ADAMTS3: variants seen among roughly 807,000 people sequenced by gnomAD.
ADAMTS3 encodes the protein ADAM metallopeptidase with thrombospondin type 1 motif 3.
In ADAMTS3, 73 loss-of-function variants were observed where a neutral mutation model predicts 129.0. That is an observed-to-expected ratio of 0.57 (90% CI 0.47 to 0.69). ADAMTS3 has a LOEUF of 0.69. Among genes scored for constraint, ADAMTS3 ranks in the 30% least tolerant of loss-of-function variants. The pLI is 0.00. For synonymous variants in ADAMTS3, 477 were observed against 510.8 expected (o/e 0.93, Z 0.89); for missense variants, 1,457 against 1,514.5 (o/e 0.96, Z 0.63).
chr4:72,476,499 C>A (rs1462006714), intron 3 of ADAMTS3, among the ~76,000 whole-genome samples: 1 of 152,014 alleles, frequency 6.6e-6, no homozygotes, highest in African/African-American at 2.4e-5. Context: ...AAAGGAATGT[C>A]CAGGCCCAGA....
intron 8 of ADAMTS3, 85 bp downstream of exon 8, chr4:72,319,773 A>G (rs776660306): frequency 8.1e-5 from 92 of 1,139,538 alleles, no homozygotes; most frequent in Non-Finnish European, 1.1e-4. Flanking sequence ...GCTGGCATGC[A>G]TTCTGCCCAA....
At position 72,373,585 on chromosome 4, in the gene ADAMTS3, T is replaced by G. The variant is rs538414967; in HGVS notation, c.662-33892A>C. The stretch of plus-strand genomic sequence containing the variant: ...AAGTTAAAAATCAGCCAGAACTAAC[T>G]TCCAATGCTTTAAGTCAAAATAGTG... On this transcript the variant is annotated intron_variant, in intron 4 of 21. Transcript: ENST00000286657. Among the ~76,000 whole-genome samples, 4 of 152,204 alleles carry G rather than the reference T, an allele frequency of 2.6e-5. No homozygotes were observed. The South Asian group carries it at 8.3e-4, about 32-fold the overall frequency.
intron 3 of ADAMTS3, among the ~76,000 whole-genome samples, chr4:72,536,198 T>G (rs1415905990): frequency 6.6e-6 from 1 of 152,220 alleles, no homozygotes; most frequent in Non-Finnish European, 1.5e-5. Context: ...AATAACTTTC[T>G]ATATGGTAGA....
intron 21 of ADAMTS3, among the ~76,000 whole-genome samples, chr4:72,287,432 G>C (rs1256331381): frequency 4.0e-5 from 6 of 150,934 alleles, no homozygotes; most frequent in Admixed American, 2.0e-4. Flanking sequence ...GAGAAAGGGA[G>C]AGGGTGAAGG....
intron 4 of ADAMTS3, among the ~76,000 whole-genome samples, chr4:72,357,862 A>G (rs1720621657): frequency 6.6e-6 from 1 of 152,018 alleles, no homozygotes; most frequent in African/African-American, 2.4e-5. Context: ...AATCTATTCT[A>G]TCATATGCCA....
At chr4:72,538,963 G>A (rs1721249074) in intron 3 of ADAMTS3, among the ~76,000 whole-genome samples, 2 of 151,950 alleles carry the variant, frequency 1.3e-5, no homozygotes, top group South Asian at 4.1e-4. Context: ...ATATCCACAT[G>A]CCCAAAGCAT....
chr4:72,492,901 CTGTGA>C (rs1719783631), intron 3 of ADAMTS3, among the ~76,000 whole-genome samples: 2 of 151,876 alleles, frequency 1.3e-5, no homozygotes, highest in South Asian at 4.1e-4. Context: ...TATTTAGATG[CTGTGA>C]TATTTGGTGT....
Position 72,282,967 on chromosome 4 carries a change from G to A in ADAMTS3, c.*169C>T. On this transcript the variant is annotated 3_prime_UTR_variant, in exon 22 of 22. Transcript: ENST00000286657. Reference sequence around the variant, plus strand: ...GTAAATGAGTCAATGCAGAACAAAAGGAGGATGAAAGCAACTAGAAAGTGA... The same window carrying A: ...GTAAATGAGTCAATGCAGAACAAAAAGAGGATGAAAGCAACTAGAAAGTGA... The A allele has an allele frequency of 1.7e-6, 1 of 572,944 alleles. No individual in the cohort carries two copies. Among genetic ancestry groups the A allele is most frequent in the Non-Finnish European group, 3.0e-6 (1 of 328,886 alleles). The allele number at this position is 572,944 out of a possible 1,614,324, so 35.5% of individuals were successfully genotyped here.
At chr4:72,442,906 A>C in intron 3 of ADAMTS3, among the ~76,000 whole-genome samples, 1 of 151,648 alleles carries the variant, frequency 6.6e-6, no homozygotes, top group East Asian at 2.0e-4. Flanking sequence ...ACTTTGACTC[A>C]CCCCCGAAAA....
intron 4 of ADAMTS3, among the ~76,000 whole-genome samples, chr4:72,348,889 C>G (rs1338410343): frequency 2.0e-5 from 3 of 151,838 alleles, no homozygotes; most frequent in Non-Finnish European, 4.4e-5. Context: ...CTGAATGAGC[C>G]TGGAAATGGA....
rs186341154 is a variant in ADAMTS3, at chr4:72,288,156, G to A, written c.3049+595C>T. ...GCTGGGATTACAGGCATGAGCCACCGCACCTGGCCCCATTTTGCTGTTTTA... is the reference window on the plus strand; with the variant it reads ...GCTGGGATTACAGGCATGAGCCACCACACCTGGCCCCATTTTGCTGTTTTA... On this transcript the variant is annotated intron_variant, in intron 21 of 21. Transcript: ENST00000286657. 3.5e-3 allele frequency among the ~76,000 whole-genome samples: 530 copies of A among 152,208 alleles called. 15 individuals are homozygous for A. Among genetic ancestry groups the A allele is most frequent in the Admixed American group, 0.028 (429 of 15,290 alleles).
chr4:72,474,735 T>C (rs188552908), intron 3 of ADAMTS3, among the ~76,000 whole-genome samples: 5 of 152,178 alleles, frequency 3.3e-5, no homozygotes, highest in East Asian at 3.9e-4. Context: ...TAAATCAAAA[T>C]AGAATTCTAG....
chr4:72,539,491 GAAA>G (rs71215438), intron 3 of ADAMTS3, among the ~76,000 whole-genome samples: 4,831 of 86,602 alleles, frequency 0.056, 127 homozygotes, highest in African/African-American at 0.17. Flanking sequence ...GCTACTATCA[GAAA>G]AAAAAAAAAA....
chr4:72,319,513 G>A (rs780038634), intron 8 of ADAMTS3, 38 bp from the exon 9 acceptor site: 11 of 1,569,266 alleles, frequency 7.0e-6, no homozygotes, highest in South Asian at 4.7e-5. Context: ...AGAATCAGGG[G>A]CTACTGCCTT....
intron 15 of ADAMTS3, among the ~76,000 whole-genome samples, chr4:72,307,406 C>A (rs756054708): frequency 2.0e-5 from 3 of 152,020 alleles, no homozygotes; most frequent in Non-Finnish European, 4.4e-5. Flanking sequence ...CAGTTTGCTA[C>A]AACTTACCCA....
chr4:72,304,032 T>A lies in ADAMTS3; in HGVS notation c.2309A>T (p.Glu770Val). The change falls in exon 17 of 22, where the codon GAG (glutamate) becomes GTG (valine). Residue 770 changes from glutamate to valine, a missense_variant. Transcript: ENST00000286657. ...TGHYILNGKG[E>V]EAKSRTFIDL... ...TATGAAGGTCCGCGACTTGGCTTCC[T>A]CCCCTTTGCCATTTAAAATATAATG... 6.2e-7 allele frequency: 1 copy of A among 1,613,708 alleles called. No homozygotes were observed.
chr4:72,393,596 T>C (rs1180159820), intron 4 of ADAMTS3, among the ~76,000 whole-genome samples: 1 of 152,166 alleles, frequency 6.6e-6, no homozygotes, highest in Non-Finnish European at 1.5e-5. Context: ...AAGAGCTAAA[T>C]CTTGTTACCT....
chr4:72,547,208 G>T lies in ADAMTS3; in HGVS notation c.504+1270C>A, dbSNP rs186438317. Among the ~76,000 whole-genome samples, 363 of 152,254 alleles carry T rather than the reference G, an allele frequency of 2.4e-3. 1 individual carries two copies. The highest frequency in any genetic ancestry group is 6.9e-3 in the African/African-American group (286 of 41,568). ...TCTCAATAATTCTTACCTATAATTAGGGCAGACTAGAGCAAGGATAAAGCT... is the reference window on the plus strand; with the variant it reads ...TCTCAATAATTCTTACCTATAATTATGGCAGACTAGAGCAAGGATAAAGCT... On this transcript the variant is annotated intron_variant, in intron 3 of 21. Coordinates refer to ENST00000286657, the MANE Select transcript of ADAMTS3 (RefSeq NM_014243.3).
chr4:72,497,696 G>T (rs1292650196), intron 3 of ADAMTS3, among the ~76,000 whole-genome samples: 1 of 150,688 alleles, frequency 6.6e-6, no homozygotes, highest in East Asian at 1.9e-4. Flanking sequence ...ATATAACAAA[G>T]CTGCCTCCAA....
Sources: gnomAD v4.1 joint callset for allele counts (sites outside exome capture counted in the v4.1 genomes callset) on GRCh38, gnomAD v4.1.1 for gene constraint, MANE v1.5 for transcripts, NCBI Gene and HGNC (gene_info 2026-07-23, HGNC 2026-07-21) for gene names.